The following ATG4C variants were observed in gnomAD, a reference collection of about 807,000 sequenced individuals.
ATG4C encodes autophagy related 4C cysteine peptidase.
A neutral mutation model predicts 57.6 loss-of-function variants in ATG4C; 56 were observed. The observed-to-expected ratio is 0.97, with a 90% confidence interval of 0.78 to 1.21. The LOEUF (loss-of-function observed/expected upper bound fraction) is 1.21, where lower values mean the gene tolerates loss of function less well. Among genes scored for constraint, ATG4C ranks in the 50% most tolerant of loss-of-function variants. The probability of loss-of-function intolerance (pLI) is 0.00; values close to 1 mark genes in which losing one functional copy is unlikely to be tolerated. For missense variants in ATG4C, 595 were observed against 529.8 expected, an observed-to-expected ratio of 1.12 and a Z score of -1.21; for synonymous variants, 157 against 174.1, an observed-to-expected ratio of 0.90 and a Z score of 0.78.
intron 3 of ATG4C, among the ~76,000 whole-genome samples, chr1:62,814,934 G>A (rs1194061276): frequency 6.6e-6 from 1 of 152,082 alleles, no homozygotes; most frequent in Non-Finnish European, 1.5e-5. Flanking sequence ...GCGTTGTGGT[G>A]CATGCGTGCA....
rs189545439 is a variant in ATG4C, at chr1:62,857,714, G to A, written c.1210-6278G>A. On this transcript the variant is annotated intron_variant, in intron 10 of 10. Transcript: ENST00000317868. ...AAAGAAACCTTCCAGTCCTTCCTTA[G>A]CACATGAGCCGGTTTTATTTTTATT... Among the ~76,000 whole-genome samples the A allele has an allele frequency of 1.2e-4, 18 of 152,190 alleles. No individual in the cohort carries two copies. In the East Asian group the frequency reaches 3.5e-3, roughly 29 times the overall value.
At chr1:62,833,136 A>G (rs1018552285) in intron 7 of ATG4C, among the ~76,000 whole-genome samples, 3 of 152,176 alleles carry the variant, frequency 2.0e-5, no homozygotes, top group Admixed American at 2.0e-4. Context: ...ACGTTTGTCC[A>G]TATATTTATT....
At position 62,864,212 on chromosome 1, in the gene ATG4C, G is replaced by T; in HGVS notation, c.*53G>T. 1 of 1,427,320 alleles carries T rather than the reference G, an allele frequency of 7.0e-7. No individual in the cohort carries two copies. Among genetic ancestry groups the T allele is most frequent in the South Asian group, 1.3e-5 (1 of 75,056 alleles). 88.4% of individuals were successfully genotyped at this position (1,427,320 alleles called of 1,614,324 possible). A position where few individuals can be genotyped will look rare whatever the true frequency, so the allele number is the denominator to read the frequency against. On this transcript the variant is annotated 3_prime_UTR_variant, in exon 11 of 11. Coordinates refer to ENST00000317868, the MANE Select transcript of ATG4C (RefSeq NM_032852.4). ...AGAATTCCATTGAAAGGGGAAAAAT[G>T]AAGAGAAACAAGTATATCTGAAATG...
chr1:62,809,647 A>G (rs1665006280), intron 3 of ATG4C, among the ~76,000 whole-genome samples: 1 of 147,976 alleles, frequency 6.8e-6, no homozygotes, highest in South Asian at 2.1e-4. Context: ...ACATATATGT[A>G]TATATATGTG....
intron 6 of ATG4C, among the ~76,000 whole-genome samples, chr1:62,828,054 A>T (rs1364068072): frequency 6.6e-6 from 1 of 151,874 alleles, no homozygotes; most frequent in Admixed American, 6.6e-5. Flanking sequence ...TAACTGTGAG[A>T]TGGGCACTTA....
intron 10 of ATG4C, among the ~76,000 whole-genome samples, chr1:62,851,709 G>A (rs192149183): frequency 1.4e-4 from 21 of 151,752 alleles, no homozygotes; most frequent in Non-Finnish European, 2.5e-4. Flanking sequence ...AGAGATGACC[G>A]AACATTTAAA....
chr1:62,863,888 G>C, intron 10 of ATG4C, 104 bp from the exon 11 acceptor site: 1 of 771,854 alleles, frequency 1.3e-6, no homozygotes, highest in East Asian at 2.8e-5. Context: ...GTAAATGAAA[G>C]AAGCTAACAG....
At chr1:62,858,431 C>A (rs1302458341) in intron 10 of ATG4C, among the ~76,000 whole-genome samples, 6 of 152,084 alleles carry the variant, frequency 3.9e-5, no homozygotes. Context: ...TTCAGTTCTC[C>A]CATCTGCAAA....
chr1:62,830,960 A>T (rs143206657), intron 7 of ATG4C, among the ~76,000 whole-genome samples: 1 of 152,174 alleles, frequency 6.6e-6, no homozygotes, highest in African/African-American at 2.4e-5. Flanking sequence ...CAGAAAAGAC[A>T]TAGAGAAGTC....
intron 10 of ATG4C, among the ~76,000 whole-genome samples, chr1:62,862,605 T>C (rs1436427527): frequency 6.6e-6 from 1 of 152,104 alleles, no homozygotes; most frequent in Non-Finnish European, 1.5e-5. Flanking sequence ...ATAAATAAAA[T>C]AAATTTCAGC....
chr1:62,813,314 A>T (rs951509090), intron 3 of ATG4C, among the ~76,000 whole-genome samples: 10 of 152,162 alleles, frequency 6.6e-5, no homozygotes, highest in Non-Finnish European at 1.3e-4. Context: ...CAACCATCTG[A>T]TCCTTGACAG....
At chr1:62,831,161 A>G (rs1270065023) in intron 7 of ATG4C, among the ~76,000 whole-genome samples, 2 of 152,132 alleles carry the variant, frequency 1.3e-5, no homozygotes, top group East Asian at 1.9e-4. Context: ...AAACATTTTG[A>G]TTTTCCAGTT....
intron 3 of ATG4C, among the ~76,000 whole-genome samples, chr1:62,807,382 G>A (rs991467199): frequency 2.0e-5 from 3 of 152,108 alleles, no homozygotes; most frequent in African/African-American, 7.2e-5. Context: ...AATTTCCTGG[G>A]TGATTAGAAT....
At chr1:62,792,615 A>C (rs528770060) in intron 1 of ATG4C, among the ~76,000 whole-genome samples, 1 of 152,368 alleles carries the variant, frequency 6.6e-6, no homozygotes, top group Middle Eastern at 3.4e-3. Context: ...ACTCTAAAAC[A>C]GTTATGGATG....
At chr1:62,808,608 A>G (rs1019369952) in intron 3 of ATG4C, among the ~76,000 whole-genome samples, 1 of 152,246 alleles carries the variant, frequency 6.6e-6, no homozygotes, top group African/African-American at 2.4e-5. Flanking sequence ...AATTCATAAT[A>G]GTATACCTGT....
At chr1:62,846,102 T>C (rs12748640) in intron 10 of ATG4C, among the ~76,000 whole-genome samples, 69,151 of 151,964 alleles carry the variant, frequency 0.46, 15,857 homozygotes, top group East Asian at 0.66. Flanking sequence ...TCAGCAAATA[T>C]GTGAGTGTTT....
chr1:62,863,196 G>T (rs1666906715), intron 10 of ATG4C, among the ~76,000 whole-genome samples: 1 of 151,752 alleles, frequency 6.6e-6, no homozygotes, highest in Non-Finnish European at 1.5e-5. Context: ...AAAATTCTAG[G>T]TATTGCTTTT....
rs141498052 is a variant in ATG4C at position 62,826,838 on chromosome 1, C to T, written c.797-2202C>T. Among the ~76,000 whole-genome samples, 910 of 150,738 alleles carry T rather than the reference C, an allele frequency of 6.0e-3. 11 individuals carry two copies. The highest frequency in any genetic ancestry group is 0.021 in the African/African-American group (866 of 41,030). On this transcript the variant is annotated intron_variant, in intron 6 of 10. Transcript: ENST00000317868. The stretch of plus-strand genomic sequence containing the variant: ...GTTCCCACCTATGAGTGAGAACATG[C>T]GGTATTTGGTTTTCTGTCCTTGCAA...
chr1:62,807,052 T>G (rs1664904805), intron 3 of ATG4C, among the ~76,000 whole-genome samples: 1 of 152,212 alleles, frequency 6.6e-6, no homozygotes, highest in African/African-American at 2.4e-5. Flanking sequence ...AAAATTTCAT[T>G]TAATTATTTT....
Sources: allele counts gnomAD v4.1 joint callset (sites outside exome capture counted in the v4.1 genomes callset), GRCh38; gene constraint gnomAD v4.1.1; transcripts MANE v1.5; gene names NCBI Gene and HGNC (gene_info 2026-07-23, HGNC 2026-07-21).